Variants in BCKDHB observed in about 807,000 individuals in gnomAD.
The protein encoded by BCKDHB is branched chain keto acid dehydrogenase E1 subunit beta, also known as 2-oxoisovalerate dehydrogenase subunit beta, mitochondrial.
A neutral mutation model predicts 48.5 loss-of-function variants in BCKDHB; 41 were observed. The observed-to-expected ratio is 0.85, with a 90% CI of 0.66 to 1.10. The LOEUF (loss-of-function observed/expected upper bound fraction) is 1.10, where lower values mean the gene tolerates loss of function less well. BCKDHB is among the 50% of genes least tolerant of loss of function. The pLI is 0.00. For synonymous variants in BCKDHB, 201 were observed against 174.8 expected, an observed-to-expected ratio of 1.15 and a Z score of -1.18; for missense variants, 496 against 494.2, an observed-to-expected ratio of 1.00 and a Z score of -0.03.
the BCKDHB span, among the ~76,000 whole-genome samples, chr6:80,358,794 G>C: frequency 1.3e-5 from 2 of 152,068 alleles, no homozygotes; most frequent in African/African-American, 4.8e-5. Context: ...AAATAGAGGT[G>C]GTGGCTGCAA....
chr6:80,351,669 G>T, the BCKDHB span, among the ~76,000 whole-genome samples: 1 of 147,762 alleles, frequency 6.8e-6, no homozygotes, highest in Non-Finnish European at 1.5e-5. Flanking sequence ...TTGAGACAGG[G>T]TGTCACTCTG....
At chr6:80,293,765 C>G (rs1767069160) in intron 9 of BCKDHB, among the ~76,000 whole-genome samples, 1 of 152,186 alleles carries the variant, frequency 6.6e-6, no homozygotes, top group South Asian at 2.1e-4. Flanking sequence ...CCCAAGTCAC[C>G]TCTTGAATGC....
At chr6:80,220,304 G>GGTT (rs1775360150) in intron 8 of BCKDHB, among the ~76,000 whole-genome samples, 1 of 60,860 alleles carries the variant, frequency 1.6e-5, no homozygotes, top group Non-Finnish European at 2.9e-5. Flanking sequence ...CATGCTATTT[G>GGTT]TTTTTTTTTT....
chr6:80,247,765 G>A (rs1473258220), intron 8 of BCKDHB, among the ~76,000 whole-genome samples: 2 of 152,182 alleles, frequency 1.3e-5, no homozygotes, highest in Non-Finnish European at 2.9e-5. Context: ...TCCAGAAATA[G>A]CAGCTCTTTA....
chr6:80,394,287 T>C, the BCKDHB span, among the ~76,000 whole-genome samples: 62 of 152,264 alleles, frequency 4.1e-4, no homozygotes, highest in Admixed American at 8.5e-4. Flanking sequence ...AAGTTTCTCT[T>C]TCATCATTTT....
the BCKDHB span, among the ~76,000 whole-genome samples, chr6:80,414,544 G>A: frequency 6.6e-6 from 1 of 151,668 alleles, no homozygotes; most frequent in Non-Finnish European, 1.5e-5. Flanking sequence ...CCTATTGCTT[G>A]TATTTGTCAA....
intron 8 of BCKDHB, among the ~76,000 whole-genome samples, chr6:80,215,083 A>G (rs183730852): frequency 1.3e-5 from 2 of 152,228 alleles, no homozygotes; most frequent in African/African-American, 2.4e-5. Flanking sequence ...ATAAAAAAAA[A>G]CTAAGAAATG....
the BCKDHB span, among the ~76,000 whole-genome samples, chr6:80,451,730 A>C: frequency 4.1e-5 from 6 of 146,668 alleles, no homozygotes; most frequent in African/African-American, 1.6e-4. Flanking sequence ...CTCTGTCTCA[A>C]AAGAAAAAAA....
At chr6:80,290,736 T>TAA in intron 9 of BCKDHB, among the ~76,000 whole-genome samples, 1 of 152,246 alleles carries the variant, frequency 6.6e-6, no homozygotes, top group East Asian at 1.9e-4. Flanking sequence ...AAAAGCAAGT[T>TAA]TATTAAGAAA....
At chr6:80,168,234 G>A (rs1225567240) in intron 4 of BCKDHB, among the ~76,000 whole-genome samples, 3 of 151,994 alleles carry the variant, frequency 2.0e-5, no homozygotes, top group East Asian at 3.9e-4. Flanking sequence ...ACAATGAACT[G>A]TGATCGCAGC....
At chr6:80,408,803 C>CA in the BCKDHB span, among the ~76,000 whole-genome samples, 279 of 140,294 alleles carry the variant, frequency 2.0e-3, no homozygotes, top group African/African-American at 6.2e-3. Context: ...TTTTTTTTTT[C>CA]AAAAAAAAAA....
At chr6:80,124,269 T>G (rs1290086777) in intron 1 of BCKDHB, among the ~76,000 whole-genome samples, 2 of 152,146 alleles carry the variant, frequency 1.3e-5, no homozygotes, top group Non-Finnish European at 2.9e-5. Flanking sequence ...AGTTTGTTGT[T>G]ATTTCTGTTC....
chr6:80,320,841 A>G (rs973643640), intron 9 of BCKDHB, among the ~76,000 whole-genome samples: 5 of 152,218 alleles, frequency 3.3e-5, no homozygotes, highest in Non-Finnish European at 5.9e-5. Flanking sequence ...ATGTACAACA[A>G]TGGCCATATT....
chr6:80,159,308 C>CA (rs765628100), intron 3 of BCKDHB, among the ~76,000 whole-genome samples: 8 of 151,758 alleles, frequency 5.3e-5, no homozygotes, highest in Admixed American at 1.3e-4. Context: ...AAAAAAACAA[C>CA]AAAAAAACTA....
At chr6:80,410,354 A>T in the BCKDHB span, among the ~76,000 whole-genome samples, 2 of 152,088 alleles carry the variant, frequency 1.3e-5, no homozygotes, top group Non-Finnish European at 2.9e-5. Flanking sequence ...GGGTAACCCG[A>T]CCTTTCTCTC....
the BCKDHB span, among the ~76,000 whole-genome samples, chr6:80,408,494 T>C: frequency 6.6e-6 from 1 of 152,196 alleles, no homozygotes; most frequent in Non-Finnish European, 1.5e-5. Context: ...CCTGGACTTT[T>C]TTTGGTTGTT....
the BCKDHB span, among the ~76,000 whole-genome samples, chr6:80,421,519 A>T: frequency 6.6e-6 from 1 of 152,222 alleles, no homozygotes; most frequent in African/African-American, 2.4e-5. Flanking sequence ...AGACAGAAAG[A>T]TGAGGGAAAG....
the BCKDHB span, among the ~76,000 whole-genome samples, chr6:80,382,414 A>G: frequency 6.6e-6 from 1 of 152,184 alleles, no homozygotes; most frequent in Non-Finnish European, 1.5e-5. Flanking sequence ...ACTAGATTCT[A>G]GATATACTTT....
intron 8 of BCKDHB, among the ~76,000 whole-genome samples, chr6:80,206,070 G>T (rs2127832165): frequency 6.6e-6 from 1 of 152,080 alleles, no homozygotes; most frequent in Admixed American, 6.6e-5. Context: ...AAATTCTAAA[G>T]GTGTGAATGG....
Sources: allele counts gnomAD v4.1 joint callset (sites outside exome capture counted in the v4.1 genomes callset), GRCh38; gene constraint gnomAD v4.1.1; transcripts MANE v1.5; gene names NCBI Gene and HGNC (gene_info 2026-07-23, HGNC 2026-07-21).